The following MSRA variants were observed in gnomAD, a reference collection of about 807,000 sequenced individuals.
MSRA encodes methionine sulfoxide reductase A.
Under a neutral mutation model 31.3 loss-of-function variants are expected in MSRA, and 54 were observed. The observed-to-expected ratio is 1.73, with a 90% confidence interval of 1.39 to 2.17. The LOEUF (loss-of-function observed/expected upper bound fraction) is 2.17. MSRA is among the 30% of genes most tolerant of loss of function. The probability of loss-of-function intolerance (pLI) is 0.00; values close to 1 mark genes in which losing one functional copy is unlikely to be tolerated. For synonymous variants in MSRA, 169 were observed against 116.5 expected (o/e 1.45, Z -2.90); for missense variants, 507 against 300.9 (o/e 1.69, Z -5.07).
At chr8:10,309,993 T>G (rs978939926) in intron 4 of MSRA, among the ~76,000 whole-genome samples, 5 of 152,232 alleles carry the variant, frequency 3.3e-5, no homozygotes, top group African/African-American at 1.2e-4. Flanking sequence ...CTATTTTCCT[T>G]CTGTTCCCCA....
intron 5 of MSRA, chr8:10,337,906 G>T: frequency 3.0e-6 from 2 of 668,216 alleles, no homozygotes; most frequent in Admixed American, 4.3e-5. Flanking sequence ...TGACAGCAGG[G>T]CTTCGTGTTT....
intron 1 of MSRA, among the ~76,000 whole-genome samples, chr8:10,147,287 G>A (rs1400946370): frequency 6.6e-6 from 1 of 152,142 alleles, no homozygotes; most frequent in Non-Finnish European, 1.5e-5. Context: ...GGAGCAAGAT[G>A]GGAATGTGGC....
At chr8:10,130,488 T>G (rs553086525) in intron 1 of MSRA, among the ~76,000 whole-genome samples, 1 of 152,186 alleles carries the variant, frequency 6.6e-6, no homozygotes, top group Non-Finnish European at 1.5e-5. Context: ...GTGGATGAAA[T>G]AAGAGTTGTT....
At chr8:10,318,026 A>G (rs1374141104) in intron 4 of MSRA, among the ~76,000 whole-genome samples, 8 of 152,096 alleles carry the variant, frequency 5.3e-5, no homozygotes, top group Non-Finnish European at 5.9e-5. Context: ...GAACGTTCCA[A>G]GCTTGTTCTT....
intron 4 of MSRA, among the ~76,000 whole-genome samples, chr8:10,313,710 A>G (rs563898222): frequency 1.3e-5 from 2 of 152,330 alleles, no homozygotes; most frequent in South Asian, 4.1e-4. Flanking sequence ...AGGGAAATGC[A>G]AAAGTCCAAG....
chr8:10,189,970 T>C (rs901039414), intron 1 of MSRA, among the ~76,000 whole-genome samples: 2 of 152,208 alleles, frequency 1.3e-5, no homozygotes, highest in Admixed American at 6.5e-5. Context: ...TTTCAGATTT[T>C]CTATTTCTCG....
intron 1 of MSRA, among the ~76,000 whole-genome samples, chr8:10,075,902 C>G (rs1183512362): frequency 6.6e-6 from 1 of 152,162 alleles, no homozygotes; most frequent in African/African-American, 2.4e-5. Context: ...GAGTGTGATG[C>G]TGGGAAATGA....
intron 3 of MSRA, among the ~76,000 whole-genome samples, chr8:10,259,583 C>T (rs145304640): frequency 3.9e-4 from 59 of 152,242 alleles, no homozygotes; most frequent in African/African-American, 1.2e-3. Flanking sequence ...CCCATTTCTT[C>T]TGAGTACTTA....
intron 3 of MSRA, among the ~76,000 whole-genome samples, chr8:10,248,201 T>C (rs1479095482): frequency 6.6e-6 from 1 of 152,260 alleles, no homozygotes. Context: ...ATTAAGTTTG[T>C]AAAACTTTGA....
chr8:10,295,195 C>T (rs1211233404), intron 3 of MSRA, among the ~76,000 whole-genome samples: 2 of 152,076 alleles, frequency 1.3e-5, no homozygotes, highest in African/African-American at 2.4e-5. Context: ...AGATAAGTTC[C>T]GGGGCATTGG....
intron 1 of MSRA, among the ~76,000 whole-genome samples, chr8:10,123,735 A>G (rs1021703480): frequency 6.6e-6 from 1 of 151,986 alleles, no homozygotes; most frequent in African/African-American, 2.4e-5. Context: ...TTATCCCGGC[A>G]CCATTTATGG....
rs558452660 is a variant in MSRA, at chr8:10,252,038, G to A, written c.331+6815G>A. Among the ~76,000 whole-genome samples, 9 of 152,340 alleles carry A rather than the reference G, an allele frequency of 5.9e-5. No homozygotes were observed. The East Asian group carries it at 1.4e-3, about 23-fold the overall frequency. The stretch of plus-strand genomic sequence containing the variant: ...GTTTGAACTCGGTAAGATTCAAGCT[G>A]CTTGGAGAGGCCATTCACAGCTTTC... On this transcript the variant is annotated intron_variant, in intron 3 of 5. Coordinates refer to ENST00000317173, the MANE Select transcript of MSRA (RefSeq NM_012331.5).
chr8:10,231,331 A>C (rs956758710), intron 2 of MSRA, among the ~76,000 whole-genome samples: 1 of 152,200 alleles, frequency 6.6e-6, no homozygotes, highest in African/African-American at 2.4e-5. Context: ...AGAGGGAAGC[A>C]CAGAGGGGAC....
intron 4 of MSRA, among the ~76,000 whole-genome samples, chr8:10,311,797 G>T (rs935318769): frequency 6.6e-6 from 1 of 152,112 alleles, no homozygotes; most frequent in Non-Finnish European, 1.5e-5. Flanking sequence ...CATCCCTGTA[G>T]TCCCAGCTAC....
intron 1 of MSRA, among the ~76,000 whole-genome samples, chr8:10,154,416 C>T (rs28424583): frequency 0.45 from 67,694 of 151,342 alleles, 15,511 homozygotes; most frequent in African/African-American, 0.54. Flanking sequence ...CTTGCTCTGT[C>T]GCCCAGGCTG....
At chr8:10,384,407 G>T (rs1806259825) in intron 5 of MSRA, among the ~76,000 whole-genome samples, 1 of 152,222 alleles carries the variant, frequency 6.6e-6, no homozygotes. Context: ...CCTGATGGTG[G>T]TCTGGGCCAC....
intron 5 of MSRA, among the ~76,000 whole-genome samples, chr8:10,394,391 A>T (rs1806964826): frequency 1.3e-5 from 2 of 152,216 alleles, no homozygotes; most frequent in African/African-American, 4.8e-5. Context: ...GCTTTTCTTT[A>T]TATAGTCCAA....
chr8:10,292,549 A>T (rs931111059), intron 3 of MSRA, among the ~76,000 whole-genome samples: 5 of 152,180 alleles, frequency 3.3e-5, no homozygotes, highest in Non-Finnish European at 7.4e-5. Flanking sequence ...GGTCCTCTTC[A>T]CAGCCACCCG....
intron 1 of MSRA, among the ~76,000 whole-genome samples, chr8:10,059,893 TATAATG>T (rs1802610387): frequency 6.6e-6 from 1 of 152,198 alleles, no homozygotes; most frequent in South Asian, 2.1e-4. Flanking sequence ...CAACTTCACT[TATAATG>T]AGAATGCAAA....
Sources: allele counts gnomAD v4.1 joint callset (sites outside exome capture counted in the v4.1 genomes callset), GRCh38; gene constraint gnomAD v4.1.1; transcripts MANE v1.5; gene names NCBI Gene and HGNC (gene_info 2026-07-23, HGNC 2026-07-21).